Variants in SPECC1 observed in about 807,000 individuals in gnomAD.
SPECC1 encodes sperm antigen with calponin homology and coiled-coil domains 1.
In SPECC1, 62 loss-of-function variants were observed where a neutral mutation model predicts 104.1. The ratio of observed to expected loss-of-function variants is 0.60; its 90% CI spans 0.49 to 0.74. The LOEUF is 0.74. SPECC1 is among the 30% of genes least tolerant of loss of function. The pLI, the probability that SPECC1 is intolerant of heterozygous loss-of-function variation, is 0.00. For synonymous variants in SPECC1, 513 were observed against 501.6 expected (o/e 1.02, Z -0.30); for missense variants, 1,306 against 1,310.5 (o/e 1.00, Z 0.05).
chr17:20,167,341 T>G (rs2033740004), intron 3 of SPECC1, among the ~76,000 whole-genome samples: 1 of 151,818 alleles, frequency 6.6e-6, no homozygotes, highest in South Asian at 2.1e-4. Flanking sequence ...ATGAAACACT[T>G]GGACAGAAAA....
intron 4 of SPECC1, among the ~76,000 whole-genome samples, chr17:20,215,268 C>T (rs563822122): frequency 6.6e-6 from 1 of 152,202 alleles, no homozygotes; most frequent in African/African-American, 2.4e-5. Context: ...GAGGAGGTTG[C>T]GACTCTGAAG....
chr17:20,035,871 C>T (rs1597595387), intron 1 of SPECC1, among the ~76,000 whole-genome samples: 1 of 151,992 alleles, frequency 6.6e-6, no homozygotes, highest in Admixed American at 6.6e-5. Context: ...CTCGTTCTCT[C>T]ACCCAGGCTG....
intron 1 of SPECC1, among the ~76,000 whole-genome samples, chr17:20,028,749 A>G (rs955731705): frequency 6.7e-6 from 1 of 149,946 alleles, no homozygotes; most frequent in Non-Finnish European, 1.5e-5. Context: ...TCAACAGTGA[A>G]GTCATCTGGG....
chr17:20,078,876 C>T (rs1315938910), intron 1 of SPECC1, among the ~76,000 whole-genome samples: 1 of 152,160 alleles, frequency 6.6e-6, no homozygotes, highest in Non-Finnish European at 1.5e-5. Context: ...GTTGCTTTTT[C>T]CTCTTGCTAG....
intron 14 of SPECC1, among the ~76,000 whole-genome samples, chr17:20,306,933 C>G (rs2041784742): frequency 9.4e-6 from 1 of 105,882 alleles, no homozygotes; most frequent in Non-Finnish European, 1.8e-5. Context: ...AAGAGACTAC[C>G]AAAAGACTAT....
chr17:20,202,199 G>T (rs1168688335), intron 3 of SPECC1, among the ~76,000 whole-genome samples: 1 of 152,032 alleles, frequency 6.6e-6, no homozygotes, highest in Non-Finnish European at 1.5e-5. Flanking sequence ...CAATTCTATA[G>T]CCACTTCCTG....
intron 3 of SPECC1, chr17:20,156,199 G>T (rs868567435): frequency 6.9e-7 from 1 of 1,446,464 alleles, no homozygotes; most frequent in East Asian, 3.0e-5. Flanking sequence ...GGCCAAGCAT[G>T]GGCAACCACT....
chr17:20,097,382 A>G (rs1461322695), intron 2 of SPECC1, among the ~76,000 whole-genome samples: 1 of 152,234 alleles, frequency 6.6e-6, no homozygotes, highest in Non-Finnish European at 1.5e-5. Flanking sequence ...AGATGAATTC[A>G]TAGACAGTAG....
chr17:20,169,439 T>C (rs893009134), intron 3 of SPECC1, among the ~76,000 whole-genome samples: 1 of 152,238 alleles, frequency 6.6e-6, no homozygotes, highest in African/African-American at 2.4e-5. Flanking sequence ...AGATCTATTT[T>C]TCTTTTTAGA....
chr17:20,314,981 G>A lies in SPECC1; in HGVS notation c.*916G>A. ...TCTGTGTGCTCCTGAGCAGCTCGCG[G>A]CTTTCACAGTAGGGAAACCGCAGTC... On this transcript the variant is annotated 3_prime_UTR_variant, in exon 15 of 15. Transcript: ENST00000395527. The A allele has an allele frequency of 8.6e-6, 2 of 232,784 alleles. No individual in the cohort carries two copies. Among genetic ancestry groups the A allele is most frequent in the Non-Finnish European group, 1.7e-5 (2 of 117,722 alleles). 14.4% of individuals were successfully genotyped at this position (232,784 alleles called of 1,614,324 possible).
intron 12 of SPECC1, among the ~76,000 whole-genome samples, chr17:20,284,516 A>G (rs554613739): frequency 6.6e-6 from 1 of 152,386 alleles, no homozygotes; most frequent in East Asian, 1.9e-4. Flanking sequence ...GTCCCAGGCA[A>G]GGACCGAACA....
At chr17:20,196,904 A>G (rs1355021447) in intron 3 of SPECC1, among the ~76,000 whole-genome samples, 3 of 152,202 alleles carry the variant, frequency 2.0e-5, no homozygotes. Context: ...AGCTGTTTGT[A>G]TTTCCCGAAG....
chr17:20,312,094 A>G (rs1311337595), intron 14 of SPECC1, among the ~76,000 whole-genome samples: 1 of 152,156 alleles, frequency 6.6e-6, no homozygotes, highest in Non-Finnish European at 1.5e-5. Context: ...GTTTATGTCT[A>G]GTTTTGGTAT....
intron 1 of SPECC1, among the ~76,000 whole-genome samples, chr17:20,083,002 G>GTTCGTTCATTCGTTCA (rs1198476937): frequency 4.1e-5 from 6 of 145,906 alleles, no homozygotes; most frequent in African/African-American, 1.6e-4. Flanking sequence ...TCGTTCGTTC[G>GTTCGTTCATTCGTTCA]TTCATTCATC....
At chr17:20,057,950 T>A (rs765443578) in intron 1 of SPECC1, 4 of 152,210 alleles carry the variant, frequency 2.6e-5, no homozygotes, top group South Asian at 4.1e-4. Context: ...CTTTAATTTG[T>A]GAAGAAAACT....
At chr17:20,024,287 G>A (rs1408148287) in intron 1 of SPECC1, among the ~76,000 whole-genome samples, 2 of 152,126 alleles carry the variant, frequency 1.3e-5, no homozygotes, top group East Asian at 3.8e-4. Flanking sequence ...TAATTTCTCT[G>A]GCAAATCTTT....
rs899022070 is a variant in SPECC1, at chr17:20,251,200, G to A, written c.2599-2305G>A. Among the ~76,000 whole-genome samples, 7 of 73,926 alleles carry A rather than the reference G, an allele frequency of 9.5e-5. No homozygotes were observed. The South Asian group carries it at 4.5e-3, about 47-fold the overall frequency. 48.5% of individuals were successfully genotyped at this position (73,926 alleles called of 152,430 possible). Reference sequence around the variant, plus strand: ...CTGAGATCATTGCCATTCCACTCCTGGGCGACAGAGTAAGACTCTATCTCA... The same window carrying A: ...CTGAGATCATTGCCATTCCACTCCTAGGCGACAGAGTAAGACTCTATCTCA... On this transcript the variant is annotated intron_variant, in intron 9 of 14. Transcript: ENST00000395527.
intron 1 of SPECC1, among the ~76,000 whole-genome samples, chr17:20,027,937 T>C (rs1408931774): frequency 6.6e-6 from 1 of 152,238 alleles, no homozygotes; most frequent in East Asian, 1.9e-4. Context: ...CAATTTACCC[T>C]ATTTTACCTT....
intron 13 of SPECC1, among the ~76,000 whole-genome samples, chr17:20,299,002 G>A: frequency 7.2e-6 from 1 of 139,246 alleles, no homozygotes; most frequent in Non-Finnish European, 1.6e-5. Flanking sequence ...GAGAGGTGGG[G>A]GCTGGGGAGA....
Sources: allele counts gnomAD v4.1 joint callset (sites outside exome capture counted in the v4.1 genomes callset), GRCh38; gene constraint gnomAD v4.1.1; transcripts MANE v1.5; gene names NCBI Gene and HGNC (gene_info 2026-07-23, HGNC 2026-07-21).